CUX2: variants seen among roughly 807,000 people sequenced by gnomAD.
The protein encoded by CUX2 is cut like homeobox 2.
In CUX2, 40 loss-of-function variants were observed where a neutral mutation model predicts 144.8. The observed-to-expected ratio is 0.28, with a 90% CI of 0.21 to 0.36. The LOEUF is 0.36. Ranked by LOEUF, CUX2 falls within the 10% of genes least tolerant of loss-of-function variation. The pLI, the probability that CUX2 is intolerant of heterozygous loss-of-function variation, is 1.00. For missense variants in CUX2, 1,615 were observed against 1,994.0 expected, an observed-to-expected ratio of 0.81 and a Z score of 3.62; for synonymous variants, 827 against 875.6, an observed-to-expected ratio of 0.94 and a Z score of 0.98.
chr12:111,077,194 T>C lies in CUX2; in HGVS notation c.63+42954T>C, dbSNP rs1871583632. Among the ~76,000 whole-genome samples the C allele has an allele frequency of 6.6e-6, 1 of 152,164 alleles. No individual in the cohort carries two copies. Among genetic ancestry groups the C allele is most frequent in the Admixed American group, 6.5e-5 (1 of 15,282 alleles). ...AATTTATTAACTTGGGAATTCCAAATAGTGCTCCCAAACCCCGCAGCGCCC... is the reference window on the plus strand; with the variant it reads ...AATTTATTAACTTGGGAATTCCAAACAGTGCTCCCAAACCCCGCAGCGCCC... On this transcript the variant is annotated intron_variant, in intron 1 of 21. Transcript: ENST00000261726. The surrounding 1 kb of genome is among the most constrained non-coding windows in gnomAD (Gnocchi z 4.1).
At chr12:111,195,923 A>G (rs953839290) in intron 1 of CUX2, among the ~76,000 whole-genome samples, 1 of 152,144 alleles carries the variant, frequency 6.6e-6, no homozygotes, top group African/African-American at 2.4e-5. Flanking sequence ...TCGATTTAGT[A>G]TATTTATGGA....
At position 111,180,836 on chromosome 12, in the gene CUX2, G is replaced by A. The variant is rs558639730; in HGVS notation, c.64-33364G>A. On this transcript the variant is annotated intron_variant, in intron 1 of 21. Coordinates refer to ENST00000261726, the MANE Select transcript of CUX2 (RefSeq NM_015267.4). The stretch of plus-strand genomic sequence containing the variant: ...GGCGAGGCTCCCCTGAGTTATTGAG[G>A]GAAGAAATATGGCCGAGAACCCTTT... Among the ~76,000 whole-genome samples, 5 of 152,314 alleles carry A rather than the reference G, an allele frequency of 3.3e-5. No homozygotes were observed. In the South Asian group the frequency reaches 8.3e-4, roughly 25 times the overall value.
At chr12:111,040,821 A>G (rs1390545461) in intron 1 of CUX2, among the ~76,000 whole-genome samples, 1 of 152,154 alleles carries the variant, frequency 6.6e-6, no homozygotes. Context: ...AAACAGCCAC[A>G]ATGAGAATGA....
Position 111,169,657 on chromosome 12 carries a change from G to A in CUX2, c.64-44543G>A, listed in dbSNP as rs373259582. Among the ~76,000 whole-genome samples, 16 of 152,264 alleles carry A rather than the reference G, an allele frequency of 1.1e-4. No homozygotes were observed. In the South Asian group the frequency reaches 1.2e-3, roughly 12 times the overall value. On this transcript the variant is annotated intron_variant, in intron 1 of 21. Coordinates refer to ENST00000261726, the MANE Select transcript of CUX2 (RefSeq NM_015267.4). ...GCAGGGTGGTTGGCATATGGGCTCC[G>A]CAGCCTGCTTCGCGTCACGTTAATA...
Position 111,287,823 on chromosome 12 carries a change from C to T in CUX2, c.302-3595C>T, listed in dbSNP as rs369948862. Among the ~76,000 whole-genome samples, 1 of 152,330 alleles carries T rather than the reference C, an allele frequency of 6.6e-6. No homozygotes were observed. The highest frequency in any genetic ancestry group is 2.1e-4 in the South Asian group (1 of 4,828). ...AACAGGGAAGCCGCCTTGTTCCAGC[C>T]GGACCTGAAGGCCCCATGTACAGGC... is the stretch of plus-strand genomic sequence containing the variant. On this transcript the variant is annotated intron_variant, in intron 4 of 21. Coordinates refer to ENST00000261726, the MANE Select transcript of CUX2 (RefSeq NM_015267.4). This position sits in a 1 kb window ranked among gnomAD's most constrained non-coding sequence, Gnocchi z 4.2.
intron 1 of CUX2, among the ~76,000 whole-genome samples, chr12:111,187,057 G>A (rs1468233171): frequency 6.6e-6 from 1 of 152,210 alleles, no homozygotes; most frequent in African/African-American, 2.4e-5. Flanking sequence ...GGGATTACAG[G>A]CATGAGCCAC....
At chr12:111,154,761 C>T (rs1366422973) in intron 1 of CUX2, among the ~76,000 whole-genome samples, 1 of 152,150 alleles carries the variant, frequency 6.6e-6, no homozygotes, top group East Asian at 1.9e-4. Flanking sequence ...CTGAATTGTT[C>T]TTCTGTGGAC....
intron 1 of CUX2, among the ~76,000 whole-genome samples, chr12:111,088,157 TATC>T (rs1251323406): frequency 6.6e-6 from 1 of 152,168 alleles, no homozygotes; most frequent in Non-Finnish European, 1.5e-5. Flanking sequence ...TATGTGTGCT[TATC>T]AAAGGGCAGC....
intron 18 of CUX2, among the ~76,000 whole-genome samples, chr12:111,326,723 G>A (rs942914173): frequency 6.6e-6 from 1 of 152,054 alleles, no homozygotes; most frequent in East Asian, 1.9e-4. Flanking sequence ...GGCCAACATG[G>A]AGAAATCCCG....
intron 3 of CUX2, among the ~76,000 whole-genome samples, chr12:111,238,005 G>A (rs542520649): frequency 3.3e-5 from 5 of 152,256 alleles, no homozygotes; most frequent in East Asian, 3.9e-4. Flanking sequence ...TGTGACAACC[G>A]AAAATGTCTC....
At chr12:111,079,295 C>G (rs2136040451) in intron 1 of CUX2, among the ~76,000 whole-genome samples, 1 of 152,312 alleles carries the variant, frequency 6.6e-6, no homozygotes, top group Non-Finnish European at 1.5e-5. Flanking sequence ...CCTCTGGTAG[C>G]CTCTGAGTTT....
At chr12:111,209,064 G>A (rs1373797288) in intron 1 of CUX2, among the ~76,000 whole-genome samples, 1 of 152,172 alleles carries the variant, frequency 6.6e-6, no homozygotes, top group Non-Finnish European at 1.5e-5. Flanking sequence ...CTTTTAGGGG[G>A]TACTGACAAG....
At chr12:111,223,860 G>GA (rs1881982340) in intron 3 of CUX2, among the ~76,000 whole-genome samples, 1 of 152,174 alleles carries the variant, frequency 6.6e-6, no homozygotes, top group African/African-American at 2.4e-5. Flanking sequence ...TTTGCTGGAT[G>GA]AACTCCTTTC....
chr12:111,163,444 A>T (rs937906383), intron 1 of CUX2, among the ~76,000 whole-genome samples: 3 of 152,118 alleles, frequency 2.0e-5, no homozygotes, highest in African/African-American at 7.2e-5. Context: ...CTTATATATG[A>T]GCCTGGGGGA....
chr12:111,203,222 ACT>A (rs1487927100), intron 1 of CUX2, among the ~76,000 whole-genome samples: 1 of 124,504 alleles, frequency 8.0e-6, no homozygotes, highest in Non-Finnish European at 1.6e-5. Context: ...ACCGAATGAG[ACT>A]CTGTCTCAAA....
At chr12:111,334,197 A>G (rs1455760421) in intron 18 of CUX2, among the ~76,000 whole-genome samples, 1 of 151,798 alleles carries the variant, frequency 6.6e-6, no homozygotes, top group Non-Finnish European at 1.5e-5. Context: ...AAAAAAAAAA[A>G]AAAAATTGCT....
chr12:111,211,026 C>T (rs963490456), intron 1 of CUX2, among the ~76,000 whole-genome samples: 4 of 152,188 alleles, frequency 2.6e-5, no homozygotes, highest in Non-Finnish European at 5.9e-5. Flanking sequence ...AATCACCATA[C>T]AGACAAGACA....
Position 111,322,178 on chromosome 12 carries a change from C to T in CUX2, c.2767-243C>T, listed in dbSNP as rs1887568448. Reference sequence around the variant, plus strand: ...ACTAAAAATACAAAAATTAGCCAGACGTGCACCAGCCTGGTACAAGTCCCA... The same window carrying T: ...ACTAAAAATACAAAAATTAGCCAGATGTGCACCAGCCTGGTACAAGTCCCA... On this transcript the variant is annotated intron_variant, in intron 17 of 21. Transcript: ENST00000261726. This position sits in a 1 kb window ranked among gnomAD's most constrained non-coding sequence, Gnocchi z 4.2. 6.6e-6 allele frequency among the ~76,000 whole-genome samples: 1 copy of T among 151,932 alleles called. No individual in the cohort carries two copies. Among genetic ancestry groups the T allele is most frequent in the Non-Finnish European group, 1.5e-5 (1 of 67,982 alleles).
intron 4 of CUX2, among the ~76,000 whole-genome samples, chr12:111,280,352 C>T (rs1283448345): frequency 4.6e-5 from 7 of 152,232 alleles, no homozygotes; most frequent in East Asian, 3.9e-4. Flanking sequence ...AGGCTGAGAT[C>T]GAAGTCATGC....
Sources: allele counts gnomAD v4.1 joint callset (sites outside exome capture counted in the v4.1 genomes callset), GRCh38; gene constraint gnomAD v4.1.1; non-coding constraint Gnocchi (gnomAD v3.1); transcripts MANE v1.5; gene names NCBI Gene and HGNC (gene_info 2026-07-23, HGNC 2026-07-21).